RP1: variants seen among roughly 807,000 people sequenced by gnomAD.
The protein encoded by RP1 is oxygen-regulated protein 1.
In RP1, 16 loss-of-function variants were observed where a neutral mutation model predicts 14.8. The observed-to-expected ratio is 1.08, with a 90% confidence interval of 0.73 to 1.65. The LOEUF (loss-of-function observed/expected upper bound fraction) is 1.65. Ranked by LOEUF, RP1 falls within the 40% of genes most tolerant of loss-of-function variation. The probability of loss-of-function intolerance (pLI) is 0.00; values close to 1 mark genes in which losing one functional copy is unlikely to be tolerated. For missense variants in RP1, 2,631 were observed against 2,535.0 expected (o/e 1.04, Z -0.81); for synonymous variants, 876 against 883.6 (o/e 0.99, Z 0.15).
chr8:54,702,511 A>G (rs1049410157), intron 14 of RP1, among the ~76,000 whole-genome samples: 10 of 152,214 alleles, frequency 6.6e-5, no homozygotes, highest in African/African-American at 2.4e-4. Flanking sequence ...AAAAATGTTA[A>G]TGATCATCTG....
intron 24 of RP1, among the ~76,000 whole-genome samples, chr8:54,818,761 G>T (rs910410931): frequency 1.6e-4 from 24 of 152,284 alleles, no homozygotes; most frequent in African/African-American, 5.8e-4. Context: ...TATTTGTCCT[G>T]CATTTTCTTT....
downstream of RP1, among the ~76,000 whole-genome samples, chr8:54,770,428 G>T (rs1809873188): frequency 6.6e-6 from 1 of 150,778 alleles, no homozygotes; most frequent in African/African-American, 2.4e-5. Flanking sequence ...TTTTCCAAAT[G>T]GTTAAATTAT....
At chr8:54,674,992 T>C (rs1807262834) in intron 8 of RP1, among the ~76,000 whole-genome samples, 1 of 152,202 alleles carries the variant, frequency 6.6e-6, no homozygotes, top group African/African-American at 2.4e-5. Flanking sequence ...GTTAGTGTTT[T>C]ACTACAATAT....
chr8:54,588,736 A>G (rs1241303178), intron 1 of RP1, among the ~76,000 whole-genome samples: 1 of 152,180 alleles, frequency 6.6e-6, no homozygotes, highest in East Asian at 1.9e-4. Context: ...CTAGATGTAC[A>G]TGGGCCTCCC....
upstream of RP1, among the ~76,000 whole-genome samples, chr8:54,611,319 C>G (rs1237041610): frequency 6.6e-6 from 1 of 152,152 alleles, no homozygotes; most frequent in Non-Finnish European, 1.5e-5. Flanking sequence ...CTGGAACTCC[C>G]ATAATGTGTA....
intron 26 of RP1, among the ~76,000 whole-genome samples, chr8:54,855,420 G>A (rs1002735872): frequency 9.9e-5 from 15 of 152,132 alleles, no homozygotes; most frequent in Non-Finnish European, 1.6e-4. Flanking sequence ...GAATGATGTC[G>A]CTATGAACAT....
intron 12 of RP1, among the ~76,000 whole-genome samples, chr8:54,687,309 TA>T (rs1446244402): frequency 6.6e-6 from 1 of 152,012 alleles, no homozygotes; most frequent in African/African-American, 2.4e-5. Flanking sequence ...CCTATTTTTT[TA>T]AAAAATATTT....
chr8:54,767,053 G>A (rs552770732), intron 22 of RP1, among the ~76,000 whole-genome samples: 1 of 152,276 alleles, frequency 6.6e-6, no homozygotes, highest in South Asian at 2.1e-4. Context: ...TGGCACATCT[G>A]AGAAAAGTAG....
intron 1 of RP1, among the ~76,000 whole-genome samples, chr8:54,569,599 T>C (rs1586388751): frequency 6.6e-6 from 1 of 152,224 alleles, no homozygotes; most frequent in African/African-American, 2.4e-5. Context: ...GCCCACCATG[T>C]GCTTCATAGG....
At chr8:54,643,592 C>G (rs1434281402) in intron 3 of RP1, among the ~76,000 whole-genome samples, 2 of 152,216 alleles carry the variant, frequency 1.3e-5, no homozygotes, top group Admixed American at 1.3e-4. Flanking sequence ...AGAGTCACCT[C>G]TTGTTTGCTG....
chr8:54,837,519 A>C, exon 25 of RP1: 1 of 1,231,802 alleles, frequency 8.1e-7, no homozygotes, highest in Non-Finnish European at 1.0e-6. Flanking sequence ...AAAGAATCCC[A>C]GGTGGTATCT....
intron 3 of RP1, among the ~76,000 whole-genome samples, chr8:54,622,833 C>T (rs1475102966): frequency 1.3e-5 from 2 of 152,206 alleles, no homozygotes; most frequent in Non-Finnish European, 2.9e-5. Context: ...GTTGATAATT[C>T]TGTAGGATCT....
chr8:54,832,769 G>A (rs991992311), intron 24 of RP1, among the ~76,000 whole-genome samples: 1 of 151,780 alleles, frequency 6.6e-6, no homozygotes, highest in Non-Finnish European at 1.5e-5. Context: ...GGATCACCTC[G>A]AATGTAGGGG....
intron 1 of RP1, among the ~76,000 whole-genome samples, chr8:54,591,291 C>G (rs1436946688): frequency 1.3e-5 from 2 of 152,172 alleles, no homozygotes; most frequent in Non-Finnish European, 2.9e-5. Context: ...CTGATGAAGT[C>G]TTCCTTGACT....
At chr8:54,757,398 G>A (rs1225313273) in intron 21 of RP1, among the ~76,000 whole-genome samples, 1 of 152,232 alleles carries the variant, frequency 6.6e-6, no homozygotes, top group Non-Finnish European at 1.5e-5. Flanking sequence ...AAGTGTTGTA[G>A]TTTGGGCTTG....
chr8:54,831,300 A>C (rs904523922), intron 24 of RP1, among the ~76,000 whole-genome samples: 1 of 151,698 alleles, frequency 6.6e-6, no homozygotes, highest in East Asian at 1.9e-4. Flanking sequence ...TAGTGGCTGC[A>C]CCTTATTGTT....
chr8:54,724,364 G>T (rs1808604036), intron 16 of RP1, among the ~76,000 whole-genome samples: 1 of 152,052 alleles, frequency 6.6e-6, no homozygotes, highest in Admixed American at 6.5e-5. Flanking sequence ...TTTCCTAGTT[G>T]ATTTTGTAGA....
chr8:54,797,873 CTTTTTTTTTTT>C (rs71254593), intron 24 of RP1, among the ~76,000 whole-genome samples: 1 of 112,296 alleles, frequency 8.9e-6, no homozygotes, highest in Non-Finnish European at 1.8e-5. Flanking sequence ...GTTTCCCAAC[CTTTTTTTTTTT>C]TTTTTTTTTT....
At chr8:54,602,039 A>G (rs1805304599) in intron 1 of RP1, among the ~76,000 whole-genome samples, 1 of 152,002 alleles carries the variant, frequency 6.6e-6, no homozygotes, top group Non-Finnish European at 1.5e-5. Context: ...TGAATCATCC[A>G]TTTTTTTAAA....
Sources: allele counts gnomAD v4.1 joint callset (sites outside exome capture counted in the v4.1 genomes callset), GRCh38; gene constraint gnomAD v4.1.1; transcripts MANE v1.5; gene names NCBI Gene and HGNC (gene_info 2026-07-23, HGNC 2026-07-21).